Variants in SH3PXD2B observed in about 807,000 individuals in gnomAD.
SH3PXD2B encodes the protein SH3 and PX domains 2B.
SH3PXD2B carries 37 observed loss-of-function variants against 73.1 expected under a neutral mutation model. The observed-to-expected ratio is 0.51, with a 90% confidence interval of 0.39 to 0.67. SH3PXD2B has a LOEUF of 0.67. SH3PXD2B is among the 30% of genes least tolerant of loss of function. The pLI is 0.00. For synonymous variants in SH3PXD2B, 457 were observed against 480.5 expected, an observed-to-expected ratio of 0.95 and a Z score of 0.64; for missense variants, 1,053 against 1,197.8, an observed-to-expected ratio of 0.88 and a Z score of 1.78.
intron 5 of SH3PXD2B, among the ~76,000 whole-genome samples, chr5:172,380,633 C>A (rs12658084): frequency 6.6e-6 from 1 of 152,310 alleles, no homozygotes; most frequent in East Asian, 1.9e-4. Context: ...CGAAACACCC[C>A]AAATTATCAG....
chr5:172,339,975 G>T lies in SH3PXD2B; in HGVS notation c.1189-59C>A. 2 of 1,604,992 alleles carry T rather than the reference G, an allele frequency of 1.2e-6. No homozygotes were observed. Among genetic ancestry groups the T allele is most frequent in the Non-Finnish European group, 8.5e-7 (1 of 1,175,792 alleles). On this transcript the variant is annotated intron_variant, in intron 12 of 12. Transcript: ENST00000311601. This position sits in a 1 kb window ranked among gnomAD's most constrained non-coding sequence, Gnocchi z 6.1. Reference sequence around the variant, plus strand: ...CGATGCCAGGGCCAGCAGATGGAATGGTTTGGCAGAACCCATGTGCAACTG... The same window carrying T: ...CGATGCCAGGGCCAGCAGATGGAATTGTTTGGCAGAACCCATGTGCAACTG...
chr5:172,327,515 C>T (rs1014377169), intron 12 of SH3PXD2B, among the ~76,000 whole-genome samples: 11 of 152,158 alleles, frequency 7.2e-5, no homozygotes, highest in Non-Finnish European at 1.6e-4. Flanking sequence ...ATCCTTCAGG[C>T]ACGCTCAATT....
intron 4 of SH3PXD2B, among the ~76,000 whole-genome samples, chr5:172,390,858 T>TGTGTGA (rs1758173220): frequency 1.5e-5 from 2 of 137,182 alleles, no homozygotes; most frequent in East Asian, 4.1e-4. Flanking sequence ...TGTGTGTGTG[T>TGTGTGA]GTGACAGAGT....
At chr5:172,395,954 G>C (rs939350157) in intron 3 of SH3PXD2B, among the ~76,000 whole-genome samples, 2 of 152,100 alleles carry the variant, frequency 1.3e-5, no homozygotes, top group African/African-American at 4.8e-5. Flanking sequence ...TGGGTCAAGA[G>C]GCTGGCAAGG....
chr5:172,440,114 TG>T (rs1410626246), intron 1 of SH3PXD2B, among the ~76,000 whole-genome samples: 1 of 152,156 alleles, frequency 6.6e-6, no homozygotes, highest in Non-Finnish European at 1.5e-5. Flanking sequence ...GCCTGGGCAA[TG>T]AAGGAAACAG....
intron 10 of SH3PXD2B, among the ~76,000 whole-genome samples, chr5:172,348,129 G>C (rs1461689268): frequency 6.6e-6 from 1 of 152,120 alleles, no homozygotes; most frequent in Non-Finnish European, 1.5e-5. Flanking sequence ...TAGCAACAGA[G>C]TATTGGCCAA....
chr5:172,348,654 C>CTATCCCAT (rs1440672001), intron 10 of SH3PXD2B, among the ~76,000 whole-genome samples: 1 of 60,398 alleles, frequency 1.7e-5, no homozygotes, highest in African/African-American at 6.3e-5. Context: ...ATCTATCTAT[C>CTATCCCAT]CTATCTATCT....
chr5:172,368,460 TATATATATTATATATATATATAAA>T (rs1232439333), intron 6 of SH3PXD2B, among the ~76,000 whole-genome samples: 3 of 43,668 alleles, frequency 6.9e-5, no homozygotes, highest in African/African-American at 1.2e-4. Context: ...TGCTTATATA[TATATATATTATATATATATATAAA>T]ATATATATAT....
intron 1 of SH3PXD2B, among the ~76,000 whole-genome samples, chr5:172,439,297 A>AG (rs1759486790): frequency 7.0e-6 from 1 of 142,490 alleles, no homozygotes; most frequent in Admixed American, 6.9e-5. Flanking sequence ...AAAAACCCCA[A>AG]AAAAAAACCA....
At chr5:172,340,441 C>T (rs146159595) in intron 12 of SH3PXD2B, among the ~76,000 whole-genome samples, 3 of 152,084 alleles carry the variant, frequency 2.0e-5, no homozygotes, top group East Asian at 1.9e-4. Flanking sequence ...TGTGTGTAGG[C>T]GCAGGTGAAT....
intron 4 of SH3PXD2B, among the ~76,000 whole-genome samples, chr5:172,384,211 G>A (rs1334068949): frequency 1.3e-5 from 2 of 152,068 alleles, no homozygotes; most frequent in African/African-American, 2.4e-5. Flanking sequence ...GTGATGTGCC[G>A]ACGCTGCAGC....
In SH3PXD2B at chr5:172,346,229, G is replaced by A. The variant is rs761097663; in HGVS notation, c.1095C>T (p.Ile365=). 3 of 1,614,090 alleles carry A rather than the reference G, an allele frequency of 1.9e-6. No homozygotes were observed. Among genetic ancestry groups the A allele is most frequent in the Non-Finnish European group, 2.5e-6 (3 of 1,180,020 alleles). ...PRGLNLPKPP[I]PPQVEEEYYT... ...AATACTCTTCCTCCACTTGGGGCGGGATGGGCGGCTTCGGCAGGTTGAGGC... is the reference window on the plus strand; with the variant it reads ...AATACTCTTCCTCCACTTGGGGCGGAATGGGCGGCTTCGGCAGGTTGAGGC... Residue 365 remains isoleucine, a synonymous_variant, in exon 12 of 13, where the codon ATC becomes ATT. Coordinates refer to ENST00000311601, the MANE Select transcript of SH3PXD2B (RefSeq NM_001017995.3).
chr5:172,360,263 A>G (rs989627981), intron 7 of SH3PXD2B, among the ~76,000 whole-genome samples: 1 of 152,222 alleles, frequency 6.6e-6, no homozygotes, highest in African/African-American at 2.4e-5. Flanking sequence ...TACTGTCCCA[A>G]GTGCTGCACG....
chr5:172,333,620 C>T lies in SH3PXD2B; in HGVS notation c.*4749G>A. On this transcript the variant is annotated 3_prime_UTR_variant, in exon 13 of 13. Coordinates refer to ENST00000311601, the MANE Select transcript of SH3PXD2B (RefSeq NM_001017995.3). ...ACAGCTAGTTGTTCTCACCCCTCCCCTCACATCCTATATACTCATTTATTT... is the reference window on the plus strand; with the variant it reads ...ACAGCTAGTTGTTCTCACCCCTCCCTTCACATCCTATATACTCATTTATTT... 1 of 1,287,198 alleles carries T rather than the reference C, an allele frequency of 7.8e-7. No homozygotes were observed. The highest frequency in any genetic ancestry group is 1.5e-5 in the African/African-American group (1 of 65,774). 79.7% of individuals were successfully genotyped at this position (1,287,198 alleles called of 1,614,324 possible). A position where few individuals can be genotyped will look rare whatever the true frequency, so the allele number is the denominator to read the frequency against.
rs369714207 is a variant in SH3PXD2B, at chr5:172,369,544, C to T, written c.427+4246G>A. 9.2e-5 allele frequency among the ~76,000 whole-genome samples: 14 copies of T among 152,032 alleles called. No individual in the cohort carries two copies. The East Asian group carries it at 1.4e-3, about 15-fold the overall frequency. On this transcript the variant is annotated intron_variant, in intron 6 of 12. Transcript: ENST00000311601. ...CAGCACTTTGGGAGGCCGAGGTGGGCGGATCATGAGGTCAGGAGTTTGAGA... is the reference window on the plus strand; with the variant it reads ...CAGCACTTTGGGAGGCCGAGGTGGGTGGATCATGAGGTCAGGAGTTTGAGA...
At chr5:172,387,987 T>A (rs1167211842) in intron 4 of SH3PXD2B, among the ~76,000 whole-genome samples, 1 of 152,218 alleles carries the variant, frequency 6.6e-6, no homozygotes, top group Non-Finnish European at 1.5e-5. Context: ...AGGGATAAGT[T>A]ATCTTTTTTG....
chr5:172,325,202 C>A, exon 13 of SH3PXD2B: 2 of 1,112,212 alleles, frequency 1.8e-6, no homozygotes, highest in Non-Finnish European at 1.3e-6. Context: ...GCATATTTTA[C>A]CACGACAAAA....
In SH3PXD2B at chr5:172,337,843, A is replaced by G. The variant is rs1756740460; in HGVS notation, c.*526T>C. On this transcript the variant is annotated 3_prime_UTR_variant, in exon 13 of 13. Transcript: ENST00000311601. ...GGGGACACTTTCCCTGGAACTGGTA[A>G]TGGAATGCATTTCTTCAGGATGAAG... is the stretch of plus-strand genomic sequence containing the variant. 1 of 1,001,900 alleles carries G rather than the reference A, an allele frequency of 1.0e-6. No individual in the cohort carries two copies. The highest frequency in any genetic ancestry group is 1.2e-6 in the Non-Finnish European group (1 of 839,346). 62.1% of individuals were successfully genotyped at this position (1,001,900 alleles called of 1,614,324 possible).
In SH3PXD2B at chr5:172,337,660, G is replaced by T. The variant is rs1756735657; in HGVS notation, c.*709C>A. The T allele has an allele frequency of 5.1e-6, 5 of 986,906 alleles. No individual in the cohort carries two copies. Among genetic ancestry groups the T allele is most frequent in the Non-Finnish European group, 6.0e-6 (5 of 830,992 alleles). 61.1% of individuals were successfully genotyped at this position (986,906 alleles called of 1,614,324 possible). ...AGGGACCGGAGCCTGCAGCAGCAAAGCGCAGCATACGCGGGGCTGGAACCA... is the reference window on the plus strand; with the variant it reads ...AGGGACCGGAGCCTGCAGCAGCAAATCGCAGCATACGCGGGGCTGGAACCA... On this transcript the variant is annotated 3_prime_UTR_variant, in exon 13 of 13. Transcript: ENST00000311601.
Sources: gnomAD v4.1 joint callset for allele counts (sites outside exome capture counted in the v4.1 genomes callset) on GRCh38, gnomAD v4.1.1 for gene constraint, Gnocchi (gnomAD v3.1) non-coding constraint, MANE v1.5 for transcripts, NCBI Gene and HGNC (gene_info 2026-07-23, HGNC 2026-07-21) for gene names.